Variants in BCAS3 observed in about 807,000 individuals in gnomAD.
BCAS3 encodes the protein BCAS3 microtubule associated cell migration factor, also known as BCAS4/BCAS3 fusion.
Under a neutral mutation model 116.1 loss-of-function variants are expected in BCAS3, and 53 were observed. The observed-to-expected ratio is 0.46, with a 90% CI of 0.37 to 0.57. The LOEUF (loss-of-function observed/expected upper bound fraction) is 0.57. Among genes scored for constraint, BCAS3 ranks in the 20% least tolerant of loss-of-function variants. The pLI, the probability that BCAS3 is intolerant of heterozygous loss-of-function variation, is 0.00. For missense variants in BCAS3, 917 were observed against 1,165.4 expected (o/e 0.79, Z 3.10); for synonymous variants, 391 against 408.2 (o/e 0.96, Z 0.51).
rs570383034 is a variant in BCAS3 at position 60,684,588 on chromosome 17, A to G, written c.138+552A>G. Among the ~76,000 whole-genome samples, 38 of 152,158 alleles carry G rather than the reference A, an allele frequency of 2.5e-4. 1 individual carries two copies. In the Middle Eastern group the frequency reaches 0.014, roughly 54 times the overall value. On this transcript the variant is annotated intron_variant, in intron 3 of 23. Transcript: ENST00000407086. ...CTAGTATACTATTGCCAAACTTAAC[A>G]TAATTATCACTTGGCATACTTATTA...
intron 22 of BCAS3, among the ~76,000 whole-genome samples, chr17:61,357,776 A>T (rs1240171508): frequency 2.7e-5 from 4 of 149,742 alleles, no homozygotes; most frequent in Non-Finnish European, 4.4e-5. Context: ...AATAATAAAA[A>T]ATATAAAATA....
chr17:61,023,244 G>A lies in BCAS3; in HGVS notation c.1637+7343G>A, dbSNP rs2065995760. 6.6e-6 allele frequency among the ~76,000 whole-genome samples: 1 copy of A among 152,176 alleles called. No individual in the cohort carries two copies. The highest frequency in any genetic ancestry group is 2.4e-5 in the African/African-American group (1 of 41,454). Reference sequence around the variant, plus strand: ...AGCATCCCTAGAATTTATTTTTAGAGAAATATGGCTCTGCTTCAATATTTG... The same window carrying A: ...AGCATCCCTAGAATTTATTTTTAGAAAAATATGGCTCTGCTTCAATATTTG... On this transcript the variant is annotated intron_variant, in intron 16 of 23. Transcript: ENST00000407086. The surrounding 1 kb of genome is among the most constrained non-coding windows in gnomAD (Gnocchi z 4.8).
chr17:61,288,378 T>G (rs2052042593), intron 22 of BCAS3, among the ~76,000 whole-genome samples: 1 of 152,184 alleles, frequency 6.6e-6, no homozygotes, highest in Non-Finnish European at 1.5e-5. Flanking sequence ...GGGCTCTGTA[T>G]GTTTCTTTGT....
rs61173709 is a variant in BCAS3, at chr17:60,695,119, A to ATTT, written c.214+5375_214+5377dup. Among the ~76,000 whole-genome samples, 317 of 129,156 alleles carry ATTT rather than the reference A, an allele frequency of 2.5e-3. 10 individuals are homozygous for ATTT. Among genetic ancestry groups the ATTT allele is most frequent in the African/African-American group, 9.0e-3 (292 of 32,618 alleles). 84.7% of individuals were successfully genotyped at this position (129,156 alleles called of 152,430 possible). A position where few individuals can be genotyped will look rare whatever the true frequency, so the allele number is the denominator to read the frequency against. On this transcript the variant is annotated intron_variant, in intron 4 of 23. Coordinates refer to ENST00000407086, the MANE Select transcript of BCAS3 (RefSeq NM_017679.5). ...ATGCTTCATTGTATGTATATACCAC[A>ATTT]TTTTTTTTTTTTTTTTTTTGAGATG...
chr17:60,882,302 T>C (rs2056238635), intron 9 of BCAS3, among the ~76,000 whole-genome samples: 1 of 150,124 alleles, frequency 6.7e-6, no homozygotes, highest in South Asian at 2.1e-4. Context: ...GTTTTTTTCT[T>C]GTAAATTTGT....
intron 22 of BCAS3, among the ~76,000 whole-genome samples, chr17:61,153,955 G>A (rs2077685880): frequency 6.6e-6 from 1 of 152,202 alleles, no homozygotes; most frequent in Non-Finnish European, 1.5e-5. Flanking sequence ...CAGCTTAAAA[G>A]TCTCATTGTT....
chr17:60,785,918 A>G (rs2046246588), intron 6 of BCAS3, among the ~76,000 whole-genome samples: 1 of 152,216 alleles, frequency 6.6e-6, no homozygotes, highest in South Asian at 2.1e-4. Flanking sequence ...AATACAGTGT[A>G]ATAACCATTT....
At chr17:60,763,809 G>A (rs2043800879) in intron 6 of BCAS3, among the ~76,000 whole-genome samples, 1 of 152,180 alleles carries the variant, frequency 6.6e-6, no homozygotes, top group Admixed American at 6.5e-5. Flanking sequence ...GAATTTGGCT[G>A]TGAAGCCATC....
chr17:60,934,945 G>A (rs927532107), intron 13 of BCAS3, among the ~76,000 whole-genome samples: 2 of 152,092 alleles, frequency 1.3e-5, no homozygotes, highest in Non-Finnish European at 2.9e-5. Context: ...AATCACTTGG[G>A]TTCAGGAGCT....
chr17:61,264,408 CT>C (rs539191667), intron 22 of BCAS3, among the ~76,000 whole-genome samples: 554 of 132,968 alleles, frequency 4.2e-3, no homozygotes, highest in Middle Eastern at 0.012. Flanking sequence ...ATAGGTAAGT[CT>C]TTTTTTTTTT....
chr17:60,802,141 G>A (rs867811243), intron 6 of BCAS3, among the ~76,000 whole-genome samples: 2 of 151,532 alleles, frequency 1.3e-5, no homozygotes, highest in Non-Finnish European at 2.9e-5. Context: ...AAAATTAGCC[G>A]GGCATGGTGG....
chr17:60,946,953 A>G (rs1441167918), intron 13 of BCAS3, among the ~76,000 whole-genome samples: 4 of 152,186 alleles, frequency 2.6e-5, no homozygotes. Context: ...TAAATTCAGG[A>G]ATATCAAACT....
intron 6 of BCAS3, among the ~76,000 whole-genome samples, chr17:60,797,386 T>A (rs913531622): frequency 2.0e-5 from 3 of 151,030 alleles, no homozygotes; most frequent in Non-Finnish European, 2.9e-5. Context: ...TTATTTATTT[T>A]TTTGTGGGGT....
chr17:61,338,197 CA>C (rs1465606061), intron 22 of BCAS3, among the ~76,000 whole-genome samples: 1 of 152,176 alleles, frequency 6.6e-6, no homozygotes, highest in Admixed American at 6.5e-5. Context: ...CGGTAGGGGA[CA>C]AACACTTTCA....
At chr17:60,799,524 G>GTTTTTTTTTTTTTT (rs869112996) in intron 6 of BCAS3, among the ~76,000 whole-genome samples, 2 of 102,382 alleles carry the variant, frequency 2.0e-5, no homozygotes, top group African/African-American at 7.4e-5. Flanking sequence ...ATTAGTGTTT[G>GTTTTTTTTTTTTTT]TTTTTTTTTT....
rs1010692104 is a variant in BCAS3, at chr17:61,309,510, C to G, written c.2426-58817C>G. ...GGGTCCCGGCAATGCGGCCCTGACCCTTCCCTGCCTCACTTGCCCTCTACT... is the reference window on the plus strand; with the variant it reads ...GGGTCCCGGCAATGCGGCCCTGACCGTTCCCTGCCTCACTTGCCCTCTACT... On this transcript the variant is annotated intron_variant, in intron 22 of 23. Transcript: ENST00000407086. This position sits in a 1 kb window ranked among gnomAD's most constrained non-coding sequence, Gnocchi z 4.6. Among the ~76,000 whole-genome samples, 1 of 152,142 alleles carries G rather than the reference C, an allele frequency of 6.6e-6. No homozygotes were observed. Among genetic ancestry groups the G allele is most frequent in the African/African-American group, 2.4e-5 (1 of 41,434 alleles).
chr17:61,102,367 A>G (rs775469463), intron 22 of BCAS3, among the ~76,000 whole-genome samples: 1 of 152,182 alleles, frequency 6.6e-6, no homozygotes, highest in African/African-American at 2.4e-5. Flanking sequence ...TAAATGATAT[A>G]TAATGAACTA....
At chr17:60,715,914 G>A (rs2038547362) in intron 5 of BCAS3, among the ~76,000 whole-genome samples, 1 of 152,048 alleles carries the variant, frequency 6.6e-6, no homozygotes, top group African/African-American at 2.4e-5. Flanking sequence ...CCAGGCTGGA[G>A]TGCAGTGGTG....
rs182379406 is a variant in BCAS3, at chr17:61,276,466, A to G, written c.2426-91861A>G. Among the ~76,000 whole-genome samples, 301 of 152,360 alleles carry G rather than the reference A, an allele frequency of 2.0e-3. No homozygotes were observed. Among genetic ancestry groups the G allele is most frequent in the Non-Finnish European group, 3.4e-3 (233 of 68,034 alleles). ...CATTTACAGTAGCATCAAAAAGAAC[A>G]AAGTACTCAGGAATAAATTTAACCG... On this transcript the variant is annotated intron_variant, in intron 22 of 23. Transcript: ENST00000407086. This position sits in a 1 kb window ranked among gnomAD's most constrained non-coding sequence, Gnocchi z 4.2.
Sources: allele counts gnomAD v4.1 joint callset (sites outside exome capture counted in the v4.1 genomes callset), GRCh38; gene constraint gnomAD v4.1.1; non-coding constraint Gnocchi (gnomAD v3.1); transcripts MANE v1.5; gene names NCBI Gene and HGNC (gene_info 2026-07-23, HGNC 2026-07-21).